Variants in TSC22D1 observed in about 807,000 individuals in gnomAD.
TSC22D1 encodes the protein TSC22 domain family protein 1.
In TSC22D1, 9 loss-of-function variants were observed where a neutral mutation model predicts 74.2. The ratio of observed to expected loss-of-function variants is 0.12; its 90% confidence interval spans 0.07 to 0.21. The LOEUF is 0.21. Ranked by LOEUF, TSC22D1 falls within the 10% of genes least tolerant of loss-of-function variation. The pLI is 1.00. For missense variants in TSC22D1, 1,427 were observed against 1,304.7 expected (o/e 1.09, Z -1.44); for synonymous variants, 586 against 492.5 (o/e 1.19, Z -2.51).
At chr13:44,537,046 T>C in intron 1 of TSC22D1, 1 of 966,030 alleles carries the variant, frequency 1.0e-6, no homozygotes, top group East Asian at 1.1e-4. Context: ...AAAAATACTG[T>C]TGCAGTTTTC....
intron 1 of TSC22D1, among the ~76,000 whole-genome samples, chr13:44,536,392 G>C (rs931820583): frequency 6.6e-6 from 1 of 151,812 alleles, no homozygotes; most frequent in Non-Finnish European, 1.5e-5. Context: ...AATTGTTCCT[G>C]TGGCTTCAAT....
intron 1 of TSC22D1, among the ~76,000 whole-genome samples, chr13:44,521,581 G>A (rs1880317606): frequency 6.6e-6 from 1 of 150,872 alleles, no homozygotes; most frequent in African/African-American, 2.4e-5. Flanking sequence ...TATATGTTGT[G>A]AACAAATGTT....
At chr13:44,514,651 G>C (rs1410496757) in intron 1 of TSC22D1, among the ~76,000 whole-genome samples, 1 of 152,136 alleles carries the variant, frequency 6.6e-6, no homozygotes, top group Non-Finnish European at 1.5e-5. Flanking sequence ...CTTGAGGTCA[G>C]GAGTTCAAGA....
At position 44,575,335 on chromosome 13, in the gene TSC22D1, G is replaced by A. The variant is rs755153400; in HGVS notation, c.740C>T (p.Ala247Val). 3.7e-6 allele frequency: 6 copies of A among 1,614,070 alleles called. No individual in the cohort carries two copies. The African/African-American group carries it at 4.0e-5, about 11-fold the overall frequency. ...TGAGGGTGGCCCACCAGTAATGGAT[G>A]CACTGGCCACAGCAACATGAGATGG... The part of the protein sequence containing the change: ...HHPSHVAVAS[A>V]SITGGPPSSP... The change falls in exon 1 of 3, where the codon GCA becomes GTA. Residue 247 changes from alanine (A) to valine (V), a missense_variant. By Grantham distance (64) the Ala-to-Val change is moderately conservative. This residue lies in a region of TSC22D1 where 1,343 missense variants were observed against 1,191.5 expected (regional missense o/e 1.13). Transcript: ENST00000458659.
At chr13:44,572,044 T>G (rs1299554736) in intron 1 of TSC22D1, among the ~76,000 whole-genome samples, 1 of 152,120 alleles carries the variant, frequency 6.6e-6, no homozygotes, top group African/African-American at 2.4e-5. Context: ...TTGATGAAAG[T>G]TCAATCACAA....
In TSC22D1 at chr13:44,494,601, C is replaced by G. The variant is rs542251424; in HGVS notation, c.2913-58506G>C. ...AAAGAAAGTCACCAAACAATTACAA[C>G]CCACACAAGCAACAAAAACAAACTC... On this transcript the variant is annotated intron_variant, in intron 1 of 2. Coordinates refer to ENST00000458659, the MANE Select transcript of TSC22D1 (RefSeq NM_183422.4). Among the ~76,000 whole-genome samples the G allele has an allele frequency of 1.6e-3, 249 of 151,716 alleles. 1 individual carries two copies. The highest frequency in any genetic ancestry group is 5.6e-3 in the African/African-American group (233 of 41,378).
intron 1 of TSC22D1, among the ~76,000 whole-genome samples, chr13:44,446,766 A>G (rs148002808): frequency 0.026 from 350 of 13,700 alleles, 2 homozygotes; most frequent in Non-Finnish European, 0.043. Flanking sequence ...AAGAAGAAGA[A>G]GAGGAAGAAG....
At chr13:44,500,095 G>GAAAAAAAAAAAAAAAAAA (rs751648270) in intron 1 of TSC22D1, among the ~76,000 whole-genome samples, 3 of 68,766 alleles carry the variant, frequency 4.4e-5, no homozygotes, top group East Asian at 4.8e-4. Context: ...TCTCAAAAAA[G>GAAAAAAAAAAAAAAAAAA]AAAAAAAAAA....
At chr13:44,454,023 T>C (rs1033182460) in intron 1 of TSC22D1, among the ~76,000 whole-genome samples, 3 of 152,230 alleles carry the variant, frequency 2.0e-5, no homozygotes, top group African/African-American at 7.2e-5. Context: ...TAAAACAAGA[T>C]GTTTTACAAA....
intron 1 of TSC22D1, among the ~76,000 whole-genome samples, chr13:44,515,267 AATGTGGTATAT>A (rs1879922462): frequency 1.3e-5 from 2 of 152,140 alleles, no homozygotes; most frequent in Admixed American, 6.5e-5. Flanking sequence ...GGTTAAGTAA[AATGTGGTATAT>A]CCATGAGACA....
intron 1 of TSC22D1, among the ~76,000 whole-genome samples, chr13:44,568,405 T>C (rs1368315900): frequency 6.6e-6 from 1 of 151,968 alleles, no homozygotes; most frequent in African/African-American, 2.4e-5. Context: ...TAGAGAAAAC[T>C]AGGCAAAGAG....
intron 1 of TSC22D1, among the ~76,000 whole-genome samples, chr13:44,481,685 C>T (rs1003237949): frequency 5.3e-5 from 8 of 152,180 alleles, no homozygotes; most frequent in Non-Finnish European, 8.8e-5. Context: ...TATCTACAGT[C>T]GTGGTCCATG....
chr13:44,544,259 C>G (rs1174372633), intron 1 of TSC22D1, among the ~76,000 whole-genome samples: 1 of 151,524 alleles, frequency 6.6e-6, no homozygotes, highest in Non-Finnish European at 1.5e-5. Context: ...TTCTAATATT[C>G]TTTTTCAGAG....
At chr13:44,471,581 C>T (rs1877608403) in intron 1 of TSC22D1, among the ~76,000 whole-genome samples, 1 of 152,160 alleles carries the variant, frequency 6.6e-6, no homozygotes, top group African/African-American at 2.4e-5. Context: ...TCAGACTCTT[C>T]AATGAACCTA....
At chr13:44,435,843 A>C in intron 2 of TSC22D1, 2 of 617,458 alleles carry the variant, frequency 3.2e-6, no homozygotes, top group South Asian at 3.8e-5. Flanking sequence ...AGACCATTTA[A>C]TACCCGCAGG....
At chr13:44,551,425 T>TGTGC (rs1882265309) in intron 1 of TSC22D1, among the ~76,000 whole-genome samples, 1 of 151,248 alleles carries the variant, frequency 6.6e-6, no homozygotes, top group Non-Finnish European at 1.5e-5. Context: ...TGTGTGTGTG[T>TGTGC]GTGTGTGTCT....
chr13:44,471,526 T>C (rs895079760), intron 1 of TSC22D1, among the ~76,000 whole-genome samples: 4 of 152,230 alleles, frequency 2.6e-5, no homozygotes, highest in Non-Finnish European at 5.9e-5. Context: ...AGATTAAGTA[T>C]GGTAAATTTC....
intron 1 of TSC22D1, 165 bp from the exon 2 acceptor site, chr13:44,436,260 T>A: frequency 2.2e-6 from 2 of 907,852 alleles, no homozygotes; most frequent in Non-Finnish European, 3.4e-6. Context: ...CCTCTCTTAC[T>A]AACGAATATC....
chr13:44,520,505 G>A (rs1320570602), intron 1 of TSC22D1, among the ~76,000 whole-genome samples: 1 of 152,150 alleles, frequency 6.6e-6, no homozygotes, highest in African/African-American at 2.4e-5. Flanking sequence ...GGTATGCAGA[G>A]GAAGCATGGG....
Sources: gnomAD v4.1 joint callset for allele counts (sites outside exome capture counted in the v4.1 genomes callset) on GRCh38, gnomAD v4.1.1 for gene constraint, gnomAD v4.1.1 regional missense constraint, MANE v1.5 for transcripts, NCBI Gene and HGNC (gene_info 2026-07-23, HGNC 2026-07-21) for gene names.